C1orf185: variants seen among roughly 807,000 people sequenced by gnomAD.
The protein encoded by C1orf185 is uncharacterized protein C1orf185.
C1orf185 carries 13 observed loss-of-function variants against 16.1 expected under a neutral mutation model. The observed-to-expected ratio is 0.81, with a 90% CI of 0.53 to 1.28. The LOEUF (loss-of-function observed/expected upper bound fraction) is 1.28, where lower values mean the gene tolerates loss of function less well. Ranked by LOEUF, C1orf185 falls within the 50% of genes most tolerant of loss-of-function variation. The pLI, the probability that C1orf185 is intolerant of heterozygous loss-of-function variation, is 0.00. For synonymous variants in C1orf185, 80 were observed against 76.9 expected, an observed-to-expected ratio of 1.04 and a Z score of -0.21; for missense variants, 220 against 225.2, an observed-to-expected ratio of 0.98 and a Z score of 0.15.
downstream of C1orf185, among the ~76,000 whole-genome samples, chr1:51,149,731 C>A (rs1024306711): frequency 1.6e-4 from 25 of 151,902 alleles, no homozygotes; most frequent in Non-Finnish European, 2.4e-4. Flanking sequence ...GAAAAAAAAA[C>A]CAAAAACACC....
chr1:51,125,423 T>G (rs1443701180), intron 3 of C1orf185, among the ~76,000 whole-genome samples: 2 of 152,172 alleles, frequency 1.3e-5, no homozygotes, highest in African/African-American at 4.8e-5. Flanking sequence ...GTTTTTAGTT[T>G]TAAGTTTTTA....
At chr1:51,103,248 A>T (rs1334802704) in intron 1 of C1orf185, among the ~76,000 whole-genome samples, 1 of 151,864 alleles carries the variant, frequency 6.6e-6, no homozygotes, top group Admixed American at 6.6e-5. Flanking sequence ...TCTACAAAAA[A>T]TTTAAAAATT....
intron 2 of C1orf185, 94 bp downstream of exon 2, chr1:51,112,663 T>C (rs1170716031): frequency 8.8e-7 from 1 of 1,138,696 alleles, no homozygotes; most frequent in Non-Finnish European, 1.2e-6. Context: ...ATAACTATGA[T>C]AGTATTGATT....
chr1:51,118,918 G>A, intron 3 of C1orf185, 117 bp downstream of exon 3: 1 of 801,444 alleles, frequency 1.2e-6, no homozygotes, highest in Non-Finnish European at 1.8e-6. Context: ...TTTAATTTGA[G>A]GGACAAACTA....
chr1:51,111,978 A>G lies in C1orf185; in HGVS notation c.17-486A>G, dbSNP rs796266109. 2.4e-4 allele frequency among the ~76,000 whole-genome samples: 37 copies of G among 152,286 alleles called. 1 individual carries two copies. The highest frequency in any genetic ancestry group is 8.4e-4 in the African/African-American group (35 of 41,556). ...CGCCCATCCTCATTTTACCTTTTAG[A>G]TAAAACTTGTAAAGATTTCTAAGAT... On this transcript the variant is annotated intron_variant, in intron 1 of 4. Transcript: ENST00000371759.
At chr1:51,117,263 T>C (rs1646164666) in intron 2 of C1orf185, among the ~76,000 whole-genome samples, 1 of 152,202 alleles carries the variant, frequency 6.6e-6, no homozygotes, top group African/African-American at 2.4e-5. Flanking sequence ...ATCTCTTGAA[T>C]TAATTTGGAA....
At chr1:51,147,171 T>C (rs1646406074) in intron 4 of C1orf185, among the ~76,000 whole-genome samples, 1 of 152,196 alleles carries the variant, frequency 6.6e-6, no homozygotes, top group African/African-American at 2.4e-5. Context: ...ACCAGTATTG[T>C]TAAAATTTAT....
intron 1 of C1orf185, among the ~76,000 whole-genome samples, chr1:51,108,363 C>T (rs939663771): frequency 6.6e-6 from 1 of 152,024 alleles, no homozygotes; most frequent in Non-Finnish European, 1.5e-5. Context: ...TACATGTGTA[C>T]AATGTGTAAT....
chr1:51,112,687 T>G, intron 2 of C1orf185, 118 bp downstream of exon 2: 1 of 996,178 alleles, frequency 1.0e-6, no homozygotes, highest in Non-Finnish European at 1.4e-6. Flanking sequence ...TAGTTTGGGA[T>G]TTGGTTATAG....
intron 1 of C1orf185, among the ~76,000 whole-genome samples, chr1:51,110,063 A>G (rs1646105103): frequency 6.6e-6 from 1 of 152,124 alleles, no homozygotes; most frequent in South Asian, 2.1e-4. Flanking sequence ...TCCTTACCCA[A>G]TCTAGATGAT....
chr1:51,147,927 CT>C lies in C1orf185; in HGVS notation c.*163del, dbSNP rs1482891520. ...TCTTAACATGTCCATGCTAATATTG[CT>C]TTTTTTGTTCTTTACCATAGAGCGG... On this transcript the variant is annotated 3_prime_UTR_variant, in exon 5 of 5. Coordinates refer to ENST00000371759, the MANE Select transcript of C1orf185 (RefSeq NM_001136508.2). 1.1e-5 allele frequency: 7 copies of C among 666,214 alleles called. No individual in the cohort carries two copies. Among genetic ancestry groups the C allele is most frequent in the South Asian group, 2.8e-5 (1 of 35,214 alleles). The allele number at this position is 666,214 out of a possible 1,614,324, so 41.3% of individuals were successfully genotyped here.
At chr1:51,132,978 G>A (rs1018431551) in intron 3 of C1orf185, among the ~76,000 whole-genome samples, 17 of 152,122 alleles carry the variant, frequency 1.1e-4, no homozygotes, top group Non-Finnish European at 2.5e-4. Context: ...ATAAACAAAG[G>A]AGAAATAAGA....
chr1:51,121,206 A>G (rs1646195063), intron 3 of C1orf185, among the ~76,000 whole-genome samples: 1 of 152,074 alleles, frequency 6.6e-6, no homozygotes, highest in African/African-American at 2.4e-5. Flanking sequence ...CCTTGAATCT[A>G]TTCCTCTTAT....
At chr1:51,102,312 G>T in intron 1 of C1orf185, 63 bp downstream of exon 1, 1 of 703,292 alleles carries the variant, frequency 1.4e-6, no homozygotes. Context: ...AATATATTTA[G>T]ACGAACAACC....
downstream of C1orf185, among the ~76,000 whole-genome samples, chr1:51,152,051 C>T (rs567792724): frequency 1.3e-5 from 2 of 152,140 alleles, no homozygotes; most frequent in Non-Finnish European, 2.9e-5. Flanking sequence ...TACAACTGAA[C>T]TGGGTCAAGC....
rs1321339262 is a variant in C1orf185 at position 51,147,561 on chromosome 1, T to C, written c.390T>C (p.Ser130=). 1 of 1,551,584 alleles carries C rather than the reference T, an allele frequency of 6.4e-7. No individual in the cohort carries two copies. The change falls in exon 5 of 5, where the codon AGT becomes AGC. Residue 130 remains serine, a synonymous_variant. Coordinates refer to ENST00000371759, the MANE Select transcript of C1orf185 (RefSeq NM_001136508.2). The part of the protein sequence containing the change: ...SETSSTTNRS[S]VTLSLSTLPS... The stretch of plus-strand genomic sequence containing the variant: ...CCAGCTCCACAACAAATCGCAGCAG[T>C]GTTACATTAAGCTTATCAACATTAC...
chr1:51,123,493 G>C (rs1334717026), intron 3 of C1orf185, among the ~76,000 whole-genome samples: 1 of 152,176 alleles, frequency 6.6e-6, no homozygotes, highest in East Asian at 1.9e-4. Flanking sequence ...GGAGGTTTTT[G>C]TATAAACATA....
At chr1:51,107,856 T>TTTTAAA (rs1224037879) in intron 1 of C1orf185, among the ~76,000 whole-genome samples, 7 of 152,266 alleles carry the variant, frequency 4.6e-5, no homozygotes, top group Non-Finnish European at 8.8e-5. Context: ...TTTTGTTTTC[T>TTTTAAA]TTAATTAATT....
chr1:51,126,827 T>C (rs976962380), intron 3 of C1orf185, among the ~76,000 whole-genome samples: 1 of 152,224 alleles, frequency 6.6e-6, no homozygotes, highest in Non-Finnish European at 1.5e-5. Flanking sequence ...GTACTTTTGC[T>C]ATTTCAGGAC....
Sources: allele counts gnomAD v4.1 joint callset (sites outside exome capture counted in the v4.1 genomes callset), GRCh38; gene constraint gnomAD v4.1.1; transcripts MANE v1.5; gene names NCBI Gene and HGNC (gene_info 2026-07-23, HGNC 2026-07-21).